The following IDO1 variants were observed in gnomAD, a reference collection of about 807,000 sequenced individuals.
The protein encoded by IDO1 is indoleamine 2,3-dioxygenase 1.
IDO1 carries 35 observed loss-of-function variants against 38.8 expected under a neutral mutation model. The ratio of observed to expected loss-of-function variants is 0.90; its 90% CI spans 0.69 to 1.20. The LOEUF (loss-of-function observed/expected upper bound fraction) is 1.20. Ranked by LOEUF, IDO1 falls within the 50% of genes most tolerant of loss-of-function variation. The pLI, the probability that IDO1 is intolerant of heterozygous loss-of-function variation, is 0.00. For missense variants in IDO1, 509 were observed against 485.1 expected, an observed-to-expected ratio of 1.05 and a Z score of -0.46; for synonymous variants, 171 against 170.0, an observed-to-expected ratio of 1.01 and a Z score of -0.05.
chr8:39,915,477 T>C (rs1030624648), intron 1 of IDO1, among the ~76,000 whole-genome samples: 2 of 152,210 alleles, frequency 1.3e-5, no homozygotes, highest in African/African-American at 2.4e-5. Context: ...AATTTGGTGA[T>C]ACTGGCAAAT....
chr8:39,914,732 GC>G (rs2129592022), intron 1 of IDO1, among the ~76,000 whole-genome samples: 1 of 152,002 alleles, frequency 6.6e-6, no homozygotes, highest in East Asian at 1.9e-4. Flanking sequence ...CATTCTCATA[GC>G]CATCCCAAAA....
intron 3 of IDO1, 121 bp from the exon 4 acceptor site, chr8:39,918,694 C>G (rs1002531665): frequency 3.3e-6 from 2 of 600,954 alleles, no homozygotes; most frequent in African/African-American, 2.0e-5. Flanking sequence ...TGCAGTGAGC[C>G]GAGATCCTGC....
rs1807311428 is a variant in IDO1 at position 39,923,547 on chromosome 8, T to C, written c.616T>C (p.Cys206Arg). The change falls in exon 7 of 10, where the codon TGC (cysteine) becomes CGC (arginine). Residue 206 changes from cysteine (C) to arginine (R), a missense_variant. Coordinates refer to ENST00000518237, the MANE Select transcript of IDO1 (RefSeq NM_002164.6). ...LLKALLEIAS[C>R]LEKALQVFHQ... Reference sequence around the variant, plus strand: ...AAAGGCGCTGTTGGAAATAGCTTCTTGCTTGGAGAAAGCCCTTCAAGTGTT... The same window carrying C: ...AAAGGCGCTGTTGGAAATAGCTTCTCGCTTGGAGAAAGCCCTTCAAGTGTT... 1 of 1,613,704 alleles carries C rather than the reference T, an allele frequency of 6.2e-7. No homozygotes were observed. Among genetic ancestry groups the C allele is most frequent in the East Asian group, 2.2e-5 (1 of 44,878 alleles).
rs770331245 is a variant in IDO1 at position 39,913,995 on chromosome 8, C to A, written c.73C>A (p.Leu25Met). Residue 25 changes from leucine (L) to methionine (M), a missense_variant, in exon 1 of 10, where the codon CTG becomes ATG. Physicochemically the swap from Leu to Met is conservative, Grantham distance 15. Transcript: ENST00000518237. Reference protein sequence around the residue: ...YHIDEEVGFALPNPQENLPDF... With the variant: ...YHIDEEVGFAMPNPQENLPDF... Reference sequence around the variant, plus strand: ...TATTGATGAAGAAGTGGGCTTTGCTCTGCCAAATCCACAGGTAAGAGAAGG... The same window carrying A: ...TATTGATGAAGAAGTGGGCTTTGCTATGCCAAATCCACAGGTAAGAGAAGG... 3.8e-6 allele frequency: 6 copies of A among 1,568,566 alleles called. No individual in the cohort carries two copies. The highest frequency in any genetic ancestry group is 5.2e-6 in the Non-Finnish European group (6 of 1,156,028).
chr8:39,919,366 G>T (rs1349148718), intron 4 of IDO1, among the ~76,000 whole-genome samples: 1 of 152,024 alleles, frequency 6.6e-6, no homozygotes, highest in Non-Finnish European at 1.5e-5. Context: ...ACAGAGTATA[G>T]ACTCTTGTGT....
chr8:39,920,010 C>T (rs7820268), intron 4 of IDO1, 90 bp from the exon 5 acceptor site: 356,901 of 1,160,248 alleles, frequency 0.31, 57,683 homozygotes, highest in Middle Eastern at 0.36. Context: ...AGCATTCAAT[C>T]AAATAGCAAC....
At chr8:39,927,539 G>A (rs1390621268) in intron 9 of IDO1, among the ~76,000 whole-genome samples, 3 of 143,474 alleles carry the variant, frequency 2.1e-5, no homozygotes, top group African/African-American at 5.2e-5. Flanking sequence ...CAGCCTGGCC[G>A]ACAGAGCGAG....
chr8:39,923,339 G>C (rs920883704), intron 6 of IDO1, 130 bp from the exon 7 acceptor site: 2 of 553,034 alleles, frequency 3.6e-6, no homozygotes, highest in East Asian at 6.7e-5. Context: ...GGGAGGCAGA[G>C]CTTGCAGTGA....
In IDO1 at chr8:39,918,196, G is replaced by C. The variant is rs758835146; in HGVS notation, c.292G>C (p.Asp98His). The change falls in exon 3 of 10, where the codon GAT (aspartate) becomes CAT (histidine). Residue 98 changes from aspartate to histidine, a missense_variant. Asp to His is a moderately conservative substitution (Grantham distance 81). Coordinates refer to ENST00000518237, the MANE Select transcript of IDO1 (RefSeq NM_002164.6). ...MAYVWGKGHG[D>H]VRKVLPRNIA... is the part of the protein sequence containing the mutation. ...ATATGTGTGGGGCAAAGGTCATGGAGATGTCCGTAAGGTTTGGAGATTTTC... is the reference window on the plus strand; with the variant it reads ...ATATGTGTGGGGCAAAGGTCATGGACATGTCCGTAAGGTTTGGAGATTTTC... The C allele has an allele frequency of 1.4e-5, 22 of 1,612,140 alleles. No homozygotes were observed. In the African/African-American group the frequency reaches 2.3e-4, roughly 17 times the overall value.
intron 4 of IDO1, 88 bp downstream of exon 4, chr8:39,919,021 G>A (rs1196949692): frequency 4.7e-6 from 4 of 852,460 alleles, no homozygotes; most frequent in Middle Eastern, 2.2e-4. Flanking sequence ...ATTTTGGGCA[G>A]CGCAGCTTTC....
chr8:39,917,112 T>C (rs950344881), intron 1 of IDO1, among the ~76,000 whole-genome samples: 1 of 152,216 alleles, frequency 6.6e-6, no homozygotes, highest in Non-Finnish European at 1.5e-5. Flanking sequence ...TTTATATATA[T>C]GAAATTATCG....
chr8:39,916,819 T>G (rs1358648564), intron 1 of IDO1, among the ~76,000 whole-genome samples: 1 of 152,210 alleles, frequency 6.6e-6, no homozygotes, highest in Admixed American at 6.5e-5. Flanking sequence ...AATTTTATAC[T>G]TGTTGAAAGT....
In IDO1 at chr8:39,922,542, A is replaced by G. The variant is rs1193657672; in HGVS notation, c.438-10A>G. 5 of 1,591,418 alleles carry G rather than the reference A, an allele frequency of 3.1e-6. No individual in the cohort carries two copies. In the African/African-American group the frequency reaches 4.0e-5, roughly 13 times the overall value. On this transcript the variant is annotated splice_polypyrimidine_tract_variant and intron_variant, in intron 5 of 9. Transcript: ENST00000518237. Reference sequence around the variant, plus strand: ...CTAAACTTCTTGCCTTCCTTATCCAATTTCCTCAGGAACATGGACGTTTTG... The same window carrying G: ...CTAAACTTCTTGCCTTCCTTATCCAGTTTCCTCAGGAACATGGACGTTTTG...
At chr8:39,914,786 G>A (rs1807148803) in intron 1 of IDO1, among the ~76,000 whole-genome samples, 2 of 151,888 alleles carry the variant, frequency 1.3e-5, no homozygotes, top group Non-Finnish European at 2.9e-5. Flanking sequence ...ATTATTTTGA[G>A]ATGGAGTCTC....
intron 1 of IDO1, among the ~76,000 whole-genome samples, chr8:39,914,460 G>T (rs552706657): frequency 1.1e-4 from 16 of 152,258 alleles, no homozygotes; most frequent in African/African-American, 3.4e-4. Flanking sequence ...GGGTTTATGA[G>T]ATTGCACATC....
At chr8:39,922,291 A>G (rs1427412970) in intron 5 of IDO1, among the ~76,000 whole-genome samples, 1 of 152,104 alleles carries the variant, frequency 6.6e-6, no homozygotes, top group African/African-American at 2.4e-5. Context: ...ACAGATGTGA[A>G]CTACCATGCC....
In IDO1 at chr8:39,922,660, A is replaced by G. The variant is rs774387846; in HGVS notation, c.537+9A>G. ...CTGCTTCTGCAATCAAAGTACGTCT[A>G]TCCTCACTTCAAAATTTATATGTCA... On this transcript the variant is annotated intron_variant, in intron 6 of 9. Transcript: ENST00000518237. 30 of 1,574,650 alleles carry G rather than the reference A, an allele frequency of 1.9e-5. 1 individual carries two copies. Among genetic ancestry groups the G allele is most frequent in the Middle Eastern group, 1.7e-4 (1 of 6,016 alleles).
At chr8:39,927,693 C>G (rs771816543) in intron 9 of IDO1, 137 bp from the exon 10 acceptor site, 18 of 455,902 alleles carry the variant, frequency 3.9e-5, no homozygotes, top group African/African-American at 5.9e-5. Context: ...CAAACATTAG[C>G]CTTCAAATAG....
chr8:39,916,484 A>G (rs1807177206), intron 1 of IDO1, among the ~76,000 whole-genome samples: 1 of 152,118 alleles, frequency 6.6e-6, no homozygotes, highest in Non-Finnish European at 1.5e-5. Context: ...TCTGAAAACA[A>G]TAACAATAAT....
Sources: allele counts gnomAD v4.1 joint callset (sites outside exome capture counted in the v4.1 genomes callset), GRCh38; gene constraint gnomAD v4.1.1; transcripts MANE v1.5; gene names NCBI Gene and HGNC (gene_info 2026-07-23, HGNC 2026-07-21).